The following SKIC2 variants were observed in gnomAD, a reference collection of about 807,000 sequenced individuals.
The protein encoded by SKIC2 is SKI2 subunit of superkiller complex, also known as superkiller complex protein 2.
At chr6:31,964,176 T>C in the SKIC2 span, 1 of 1,608,278 alleles carries the variant, frequency 6.2e-7, no homozygotes, top group Non-Finnish European at 8.5e-7. This position sits in a 1 kb window ranked among gnomAD's most constrained non-coding sequence, Gnocchi z 5.0. Flanking sequence ...GGCAGACTGG[T>C]GGGGATAGGG....
chr6:31,966,855 C>T, the SKIC2 span: 1 of 1,614,096 alleles, frequency 6.2e-7, no homozygotes, highest in East Asian at 2.2e-5. This position sits in a 1 kb window ranked among gnomAD's most constrained non-coding sequence, Gnocchi z 5.9. Flanking sequence ...AGGTAAGGAG[C>T]CTGGGGTAAC....
chr6:31,961,987 C>G, the SKIC2 span: 1 of 1,612,896 alleles, frequency 6.2e-7, no homozygotes, highest in African/African-American at 1.3e-5. Context: ...TGTCGCAGCT[C>G]ACACATCTGC....
At chr6:31,967,631 C>T in the SKIC2 span, 11 of 1,494,836 alleles carry the variant, frequency 7.4e-6, no homozygotes, top group South Asian at 3.6e-5. This position sits in a 1 kb window ranked among gnomAD's most constrained non-coding sequence, Gnocchi z 4.9. Context: ...CTTCCTGATT[C>T]CTGCCCAAGG....
chr6:31,963,838 C>G, the SKIC2 span: 1 of 1,465,666 alleles, frequency 6.8e-7, no homozygotes, highest in Non-Finnish European at 9.5e-7. The surrounding 1 kb of genome is among the most constrained non-coding windows in gnomAD (Gnocchi z 5.3). Flanking sequence ...AGCACTGCCC[C>G]AGTTAACACT....
At chr6:31,959,717 C>T in the SKIC2 span, 1 of 548,932 alleles carries the variant, frequency 1.8e-6, no homozygotes, top group Non-Finnish European at 3.2e-6. Flanking sequence ...ACCTTTCATC[C>T]TTAGGTCTGG....
At chr6:31,967,612 G>A in the SKIC2 span, 3 of 1,344,642 alleles carry the variant, frequency 2.2e-6, no homozygotes, top group Non-Finnish European at 3.1e-6. This position sits in a 1 kb window ranked among gnomAD's most constrained non-coding sequence, Gnocchi z 4.9. Flanking sequence ...GGTGAGCTCT[G>A]CATGGTTGCT....
At chr6:31,966,800 T>C in the SKIC2 span, 1 of 1,614,000 alleles carries the variant, frequency 6.2e-7, no homozygotes, top group Admixed American at 1.7e-5. The surrounding 1 kb of genome is among the most constrained non-coding windows in gnomAD (Gnocchi z 5.9). Flanking sequence ...GTGGAGGACA[T>C]GATGAAGAGG....
the SKIC2 span, chr6:31,968,161 C>T: frequency 1.3e-6 from 2 of 1,580,958 alleles, no homozygotes; most frequent in South Asian, 1.1e-5. This position sits in a 1 kb window ranked among gnomAD's most constrained non-coding sequence, Gnocchi z 6.1. Context: ...GGAGTTTCCT[C>T]CAGCCTGAGG....
At chr6:31,961,541 TTCCAGGAAGCG>T in the SKIC2 span, 3 of 1,593,256 alleles carry the variant, frequency 1.9e-6, no homozygotes, top group Non-Finnish European at 2.6e-6. Flanking sequence ...CCCCTGACTC[TTCCAGGAAGCG>T]TCCACAGCTG....
the SKIC2 span, chr6:31,960,773 A>G: frequency 6.8e-6 from 10 of 1,476,800 alleles, no homozygotes; most frequent in Non-Finnish European, 8.2e-6. Flanking sequence ...AGCCTTGAGG[A>G]GGAAGAGCCC....
chr6:31,963,676 C>T, the SKIC2 span: 1 of 1,556,152 alleles, frequency 6.4e-7, no homozygotes, highest in Non-Finnish European at 8.7e-7. This position sits in a 1 kb window ranked among gnomAD's most constrained non-coding sequence, Gnocchi z 5.3. Context: ...AGAGAATGAG[C>T]AAACACGCCC....
chr6:31,969,187 G>A, the SKIC2 span: 4 of 1,558,440 alleles, frequency 2.6e-6, no homozygotes, highest in South Asian at 4.5e-5. The surrounding 1 kb of genome is among the most constrained non-coding windows in gnomAD (Gnocchi z 6.1). Context: ...CCCTGTAAGT[G>A]CCCCAAGGAT....
the SKIC2 span, chr6:31,963,717 AG>A: frequency 5.8e-6 from 9 of 1,546,870 alleles, no homozygotes; most frequent in East Asian, 4.5e-5. The surrounding 1 kb of genome is among the most constrained non-coding windows in gnomAD (Gnocchi z 5.3). Context: ...CCCACACATC[AG>A]GGGGGCCCTG....
chr6:31,969,123 C>T, the SKIC2 span: 1 of 1,589,012 alleles, frequency 6.3e-7, no homozygotes, highest in Non-Finnish European at 8.6e-7. The surrounding 1 kb of genome is among the most constrained non-coding windows in gnomAD (Gnocchi z 6.1). Context: ...CCTGCCAGGG[C>T]TGTGGCATTC....
the SKIC2 span, chr6:31,962,529 G>C: frequency 6.2e-7 from 1 of 1,614,096 alleles, no homozygotes; most frequent in East Asian, 2.2e-5. The surrounding 1 kb of genome is among the most constrained non-coding windows in gnomAD (Gnocchi z 5.0). Context: ...TGCTCACCGG[G>C]GATGTACAGC....
At chr6:31,965,181 C>G in the SKIC2 span, among the ~76,000 whole-genome samples, 3 of 152,160 alleles carry the variant, frequency 2.0e-5, no homozygotes, top group African/African-American at 7.2e-5. The surrounding 1 kb of genome is among the most constrained non-coding windows in gnomAD (Gnocchi z 5.6). Context: ...TATTTCATTC[C>G]TGGGTATATA....
the SKIC2 span, chr6:31,968,233 G>C: frequency 7.0e-7 from 1 of 1,425,040 alleles, no homozygotes; most frequent in Non-Finnish European, 9.8e-7. This position sits in a 1 kb window ranked among gnomAD's most constrained non-coding sequence, Gnocchi z 6.1. Context: ...AGACTGTGAA[G>C]TGGAGGTTGT....
At chr6:31,969,575 CAGCGCCTG>C in the SKIC2 span, 1 of 1,613,868 alleles carries the variant, frequency 6.2e-7, no homozygotes, top group East Asian at 2.2e-5. This position sits in a 1 kb window ranked among gnomAD's most constrained non-coding sequence, Gnocchi z 6.1. Flanking sequence ...CCGCTGCATT[CAGCGCCTG>C]GCTGAGATGT....
At chr6:31,959,893 T>A in the SKIC2 span, 29 of 761,410 alleles carry the variant, frequency 3.8e-5, no homozygotes, top group Non-Finnish European at 4.5e-5. Flanking sequence ...AGCCTGATTG[T>A]CCTAGTCTGT....
Sources: allele counts gnomAD v4.1 joint callset (sites outside exome capture counted in the v4.1 genomes callset), GRCh38; gene constraint gnomAD v4.1.1; non-coding constraint Gnocchi (gnomAD v3.1); transcripts MANE v1.5; gene names NCBI Gene and HGNC (gene_info 2026-07-23, HGNC 2026-07-21).